ROBO1: variants seen among roughly 807,000 people sequenced by gnomAD.
The protein encoded by ROBO1 is roundabout guidance receptor 1.
A neutral mutation model predicts 195.9 loss-of-function variants in ROBO1; 149 were observed. The observed-to-expected ratio is 0.76, with a 90% CI of 0.67 to 0.87. ROBO1 has a LOEUF of 0.87. ROBO1 is among the 40% of genes least tolerant of loss of function. The pLI is 0.00. For synonymous variants in ROBO1, 816 were observed against 733.2 expected, an observed-to-expected ratio of 1.11 and a Z score of -1.82; for missense variants, 1,933 against 2,068.3, an observed-to-expected ratio of 0.93 and a Z score of 1.27.
At chr3:78,777,232 A>G (rs1477411521) in intron 4 of ROBO1, among the ~76,000 whole-genome samples, 1 of 152,236 alleles carries the variant, frequency 6.6e-6, no homozygotes, top group Non-Finnish European at 1.5e-5. Flanking sequence ...TACCAATAAT[A>G]TCTGAATGTA....
intron 2 of ROBO1, among the ~76,000 whole-genome samples, chr3:79,523,373 A>C (rs565243020): frequency 5.9e-5 from 9 of 151,662 alleles, no homozygotes; most frequent in Admixed American, 5.9e-4. Flanking sequence ...AATATACACA[A>C]TTTTATGCGT....
intron 26 of ROBO1, among the ~76,000 whole-genome samples, chr3:78,618,987 A>G (rs577072850): frequency 6.6e-6 from 1 of 152,308 alleles, no homozygotes; most frequent in South Asian, 2.1e-4. Flanking sequence ...GATTCGTGGA[A>G]GGAAGTCATC....
chr3:79,572,206 A>C, intron 2 of ROBO1, among the ~76,000 whole-genome samples: 1 of 152,078 alleles, frequency 6.6e-6, no homozygotes, highest in East Asian at 1.9e-4. Context: ...CCATACATTA[A>C]ATATTAAAGA....
chr3:78,627,776 T>C (rs565456755), intron 25 of ROBO1, among the ~76,000 whole-genome samples: 6 of 152,282 alleles, frequency 3.9e-5, no homozygotes, highest in African/African-American at 1.2e-4. Context: ...TAATTGACAT[T>C]AGCATGTTAT....
At chr3:79,669,823 T>C (rs753186048) in intron 1 of ROBO1, among the ~76,000 whole-genome samples, 34 of 151,942 alleles carry the variant, frequency 2.2e-4, no homozygotes, top group Admixed American at 1.3e-3. Context: ...ATGAAAGACA[T>C]TTCCTAAATT....
intron 1 of ROBO1, among the ~76,000 whole-genome samples, chr3:79,623,753 A>C (rs1453950099): frequency 1.3e-5 from 2 of 152,192 alleles, no homozygotes; most frequent in Non-Finnish European, 2.9e-5. Context: ...GGAGAATGGA[A>C]ACAAGCTGTT....
At position 79,393,182 on chromosome 3, in the gene ROBO1, G is replaced by A. The variant is rs191939661; in HGVS notation, c.88+196642C>T. 2.9e-3 allele frequency among the ~76,000 whole-genome samples: 436 copies of A among 152,284 alleles called. 2 individuals are homozygous for A. Among genetic ancestry groups the A allele is most frequent in the African/African-American group, 9.1e-3 (378 of 41,546 alleles). ...TAATAAGCCTTTTCAATGCCATTGA[G>A]CCTACTTGATGCAATAAATTAGAAA... On this transcript the variant is annotated intron_variant, in intron 2 of 30. Transcript: ENST00000464233.
chr3:79,218,215 C>G (rs907711856), intron 2 of ROBO1, among the ~76,000 whole-genome samples: 2 of 151,896 alleles, frequency 1.3e-5, no homozygotes, highest in African/African-American at 4.8e-5. Flanking sequence ...TAAAAATAAT[C>G]CACTATCTAA....
intron 28 of ROBO1, among the ~76,000 whole-genome samples, chr3:78,613,741 T>C (rs1330602680): frequency 6.6e-6 from 1 of 152,214 alleles, no homozygotes; most frequent in Non-Finnish European, 1.5e-5. Flanking sequence ...TCAGAAAACC[T>C]TCCTTGCAAC....
intron 3 of ROBO1, among the ~76,000 whole-genome samples, chr3:79,019,624 G>C (rs1040315553): frequency 2.0e-5 from 3 of 152,050 alleles, no homozygotes; most frequent in East Asian, 1.9e-4. Context: ...CACAAGCCAG[G>C]GGTGCCCAAC....
intron 1 of ROBO1, among the ~76,000 whole-genome samples, chr3:79,683,036 C>T (rs1005434357): frequency 4.6e-5 from 7 of 151,938 alleles, no homozygotes; most frequent in Non-Finnish European, 7.4e-5. Flanking sequence ...CAGTCCTAGT[C>T]TAAAACAATA....
chr3:79,620,569 T>C (rs982347068), intron 1 of ROBO1, among the ~76,000 whole-genome samples: 4 of 152,000 alleles, frequency 2.6e-5, no homozygotes, highest in African/African-American at 9.7e-5. Flanking sequence ...CCAGCTCCCT[T>C]ATTAGGTCAT....
chr3:79,403,328 G>A (rs1449037307), intron 2 of ROBO1, among the ~76,000 whole-genome samples: 1 of 151,948 alleles, frequency 6.6e-6, no homozygotes, highest in East Asian at 1.9e-4. Context: ...TCTTAATGGA[G>A]AAAGTGTTAA....
At chr3:78,983,163 C>T (rs1014735562) in intron 3 of ROBO1, among the ~76,000 whole-genome samples, 4 of 152,136 alleles carry the variant, frequency 2.6e-5, no homozygotes, top group Non-Finnish European at 5.9e-5. Context: ...TTTACATTTT[C>T]AAACAAGAAA....
intron 2 of ROBO1, among the ~76,000 whole-genome samples, chr3:79,280,747 T>G (rs868366084): frequency 3.9e-5 from 6 of 152,142 alleles, no homozygotes; most frequent in Admixed American, 3.3e-4. Context: ...GTTTCAAGCA[T>G]TCGATTGACC....
intron 4 of ROBO1, among the ~76,000 whole-genome samples, chr3:78,836,376 G>A (rs920819207): frequency 4.6e-5 from 7 of 151,834 alleles, no homozygotes; most frequent in Non-Finnish European, 8.8e-5. Flanking sequence ...GCGGGGTGTG[G>A]TGGCGGGTGC....
chr3:79,231,799 C>G (rs2082325966), intron 2 of ROBO1, among the ~76,000 whole-genome samples: 1 of 152,024 alleles, frequency 6.6e-6, no homozygotes, highest in East Asian at 1.9e-4. Flanking sequence ...ATAGCAAATA[C>G]ATGAACTCAG....
At chr3:79,454,184 C>A (rs941406862) in intron 2 of ROBO1, among the ~76,000 whole-genome samples, 11 of 141,292 alleles carry the variant, frequency 7.8e-5, no homozygotes, top group Non-Finnish European at 1.5e-4. Flanking sequence ...AGAGAGTTCA[C>A]GGATTTAAGA....
intron 2 of ROBO1, among the ~76,000 whole-genome samples, chr3:79,230,793 G>A (rs900832574): frequency 9.9e-5 from 15 of 152,036 alleles, no homozygotes; most frequent in Non-Finnish European, 5.9e-5. Flanking sequence ...CAAAGCTGGA[G>A]GCATCATGCT....
Sources: gnomAD v4.1 joint callset for allele counts (sites outside exome capture counted in the v4.1 genomes callset) on GRCh38, gnomAD v4.1.1 for gene constraint, MANE v1.5 for transcripts, NCBI Gene and HGNC (gene_info 2026-07-23, HGNC 2026-07-21) for gene names.